The following HCN1 variants were observed in gnomAD, a reference collection of about 807,000 sequenced individuals.
The protein encoded by HCN1 is hyperpolarization activated cyclic nucleotide gated potassium channel 1, also known as potassium/sodium hyperpolarization-activated cyclic nucleotide-gated channel 1.
Under a neutral mutation model 78.9 loss-of-function variants are expected in HCN1, and 13 were observed. The observed-to-expected ratio is 0.16, with a 90% CI of 0.11 to 0.26. The LOEUF (loss-of-function observed/expected upper bound fraction) is 0.26. Ranked by LOEUF, HCN1 falls within the 10% of genes least tolerant of loss-of-function variation. HCN1 has a pLI of 1.00. For missense variants in HCN1, 810 were observed against 1,154.3 expected (o/e 0.70, Z 4.32); for synonymous variants, 552 against 455.5 (o/e 1.21, Z -2.70).
At chr5:45,358,716 C>A (rs1040755476) in intron 4 of HCN1, among the ~76,000 whole-genome samples, 3 of 152,082 alleles carry the variant, frequency 2.0e-5, no homozygotes, top group African/African-American at 7.2e-5. Flanking sequence ...GGCCTGCAGA[C>A]AGGAATAGCC....
chr5:45,300,543 T>A (rs2111899788), intron 6 of HCN1, among the ~76,000 whole-genome samples: 1 of 152,214 alleles, frequency 6.6e-6, no homozygotes, highest in East Asian at 1.9e-4. Context: ...GCTAACTTAA[T>A]TGTAAGAATA....
chr5:45,274,374 G>A (rs1745013380), intron 6 of HCN1, among the ~76,000 whole-genome samples: 1 of 152,098 alleles, frequency 6.6e-6, no homozygotes, highest in African/African-American at 2.4e-5. Context: ...ATAAATTAGA[G>A]TGATCACGTG....
intron 3 of HCN1, among the ~76,000 whole-genome samples, chr5:45,400,449 A>T (rs1255277064): frequency 8.2e-6 from 1 of 121,832 alleles, no homozygotes; most frequent in Non-Finnish European, 1.6e-5. Flanking sequence ...CCCAGGCTGG[A>T]GTGCAATGGT....
intron 2 of HCN1, among the ~76,000 whole-genome samples, chr5:45,595,529 T>C (rs1579990122): frequency 6.6e-6 from 1 of 152,072 alleles, no homozygotes. Context: ...GCTTCAATTG[T>C]TTTGTCTCAT....
In HCN1 at chr5:45,509,233, T is replaced by G. The variant is rs184237210; in HGVS notation, c.850-47226A>C. 2.4e-4 allele frequency among the ~76,000 whole-genome samples: 36 copies of G among 152,248 alleles called. No individual in the cohort carries two copies. The East Asian group carries it at 6.8e-3, about 29-fold the overall frequency. On this transcript the variant is annotated intron_variant, in intron 2 of 7. Transcript: ENST00000303230. ...ATAGCAGAGCGGAGAGATTGCCACA[T>G]AATATCTCAGAGGCGAAAATAATTC...
Position 45,442,530 on chromosome 5 carries a change from C to T in HCN1, c.1011+19316G>A, listed in dbSNP as rs148631121. The stretch of plus-strand genomic sequence containing the variant: ...AGTATATATATTAAATAATATAAAA[C>T]GTGCATATGCATATCTATTTGTACA... On this transcript the variant is annotated intron_variant, in intron 3 of 7. Transcript: ENST00000303230. Among the ~76,000 whole-genome samples the T allele has an allele frequency of 2.9e-4, 44 of 150,630 alleles. No homozygotes were observed. In the East Asian group the frequency reaches 5.8e-3, roughly 20 times the overall value.
intron 2 of HCN1, among the ~76,000 whole-genome samples, chr5:45,523,957 T>C (rs374138573): frequency 6.6e-6 from 1 of 152,152 alleles, no homozygotes; most frequent in Non-Finnish European, 1.5e-5. Context: ...CTGAATGGTA[T>C]TGCCTAGGTT....
chr5:45,674,357 A>C (rs1746222224), intron 1 of HCN1, among the ~76,000 whole-genome samples: 1 of 151,572 alleles, frequency 6.6e-6, no homozygotes, highest in Admixed American at 6.6e-5. Context: ...ACTAAATAAA[A>C]GGATAATGAA....
Position 45,464,943 on chromosome 5 carries a change from G to A in HCN1, c.850-2936C>T, listed in dbSNP as rs1741237386. Among the ~76,000 whole-genome samples, 3 of 152,092 alleles carry A rather than the reference G, an allele frequency of 2.0e-5. No homozygotes were observed. In the South Asian group the frequency reaches 6.2e-4, roughly 32 times the overall value. The stretch of plus-strand genomic sequence containing the variant: ...CACAGCCACAACTTATTATTAATAA[G>A]GGCAGCTTGTAGGATAAATCTAAGT... On this transcript the variant is annotated intron_variant, in intron 2 of 7. Transcript: ENST00000303230.
intron 2 of HCN1, among the ~76,000 whole-genome samples, chr5:45,490,270 G>A (rs942446045): frequency 1.3e-5 from 2 of 152,140 alleles, no homozygotes; most frequent in African/African-American, 2.4e-5. Context: ...ATCATGATGA[G>A]ATTGGATTGT....
chr5:45,418,272 T>A (rs1027627254), intron 3 of HCN1, among the ~76,000 whole-genome samples: 14 of 151,830 alleles, frequency 9.2e-5, no homozygotes, highest in Non-Finnish European at 1.8e-4. Context: ...AACATATTCA[T>A]TAAACTATAT....
rs181918071 is a variant in HCN1 at position 45,587,499 on chromosome 5, T to C, written c.849+57686A>G. 4.0e-3 allele frequency among the ~76,000 whole-genome samples: 549 copies of C among 138,724 alleles called. 2 individuals are homozygous for C. The highest frequency in any genetic ancestry group is 0.011 in the African/African-American group (409 of 36,640). The allele number at this position is 138,724 out of a possible 152,430, so 91.0% of individuals were successfully genotyped here. A position where few individuals can be genotyped will look rare whatever the true frequency, so the allele number is the denominator to read the frequency against. ...TCACTCACAGGTGGGAATTGAACAA[T>C]GAGATCACTTGGACACAGGAAGAGG... is the stretch of plus-strand genomic sequence containing the variant. On this transcript the variant is annotated intron_variant, in intron 2 of 7. Coordinates refer to ENST00000303230, the MANE Select transcript of HCN1 (RefSeq NM_021072.4).
intron 2 of HCN1, among the ~76,000 whole-genome samples, chr5:45,479,562 G>A (rs1741599476): frequency 6.6e-6 from 1 of 152,156 alleles, no homozygotes; most frequent in Non-Finnish European, 1.5e-5. Flanking sequence ...TGAAGAAACA[G>A]AACTGACAAT....
At chr5:45,646,488 C>T (rs1371413457) in intron 1 of HCN1, among the ~76,000 whole-genome samples, 2 of 151,398 alleles carry the variant, frequency 1.3e-5, no homozygotes, top group African/African-American at 4.8e-5. Flanking sequence ...CTCCTCCCGC[C>T]TCAGCCTCCC....
chr5:45,511,870 T>G (rs1339931245), intron 2 of HCN1, among the ~76,000 whole-genome samples: 1 of 152,038 alleles, frequency 6.6e-6, no homozygotes, highest in Admixed American at 6.6e-5. Context: ...GAGTAAGATG[T>G]TAATAAATAG....
intron 2 of HCN1, among the ~76,000 whole-genome samples, chr5:45,525,334 T>C (rs1742714170): frequency 6.6e-6 from 1 of 151,990 alleles, no homozygotes; most frequent in South Asian, 2.1e-4. Flanking sequence ...AGTATTATAG[T>C]TTCTTTGTAA....
intron 6 of HCN1, among the ~76,000 whole-genome samples, chr5:45,287,080 CGTGTGTGTGTGTGTGT>C (rs765679473): frequency 6.7e-6 from 1 of 148,152 alleles, no homozygotes; most frequent in Non-Finnish European, 1.5e-5. Context: ...AGAAGGTATG[CGTGTGTGTGTGTGTGT>C]GTCTGTGTGT....
intron 4 of HCN1, among the ~76,000 whole-genome samples, chr5:45,359,999 A>G (rs979004790): frequency 1.4e-4 from 21 of 150,578 alleles, no homozygotes; most frequent in African/African-American, 4.6e-4. Context: ...TTATATGTCA[A>G]TTTGAAATGA....
Position 45,636,736 on chromosome 5 carries a change from C to T in HCN1, c.849+8449G>A, listed in dbSNP as rs952418359. On this transcript the variant is annotated intron_variant, in intron 2 of 7. Coordinates refer to ENST00000303230, the MANE Select transcript of HCN1 (RefSeq NM_021072.4). The stretch of plus-strand genomic sequence containing the variant: ...GGAGTGGTGGCATGCACCTGTAATC[C>T]CAATTGTGTGGGAAGATCCCTTGAG... Among the ~76,000 whole-genome samples the T allele has an allele frequency of 2.0e-5, 3 of 151,838 alleles. No homozygotes were observed. The East Asian group carries it at 5.8e-4, about 29-fold the overall frequency.
Sources: allele counts gnomAD v4.1 joint callset (sites outside exome capture counted in the v4.1 genomes callset), GRCh38; gene constraint gnomAD v4.1.1; transcripts MANE v1.5; gene names NCBI Gene and HGNC (gene_info 2026-07-23, HGNC 2026-07-21).